Variants in ESS2 observed in about 807,000 individuals in gnomAD.
ESS2 encodes splicing factor ESS-2 homolog.
In ESS2, 31 loss-of-function variants were observed where a neutral mutation model predicts 52.0. The observed-to-expected ratio is 0.60, with a 90% CI of 0.45 to 0.81. The LOEUF (loss-of-function observed/expected upper bound fraction) is 0.81, where lower values mean the gene tolerates loss of function less well. ESS2 is among the 30% of genes least tolerant of loss of function. ESS2 has a pLI of 0.00. For synonymous variants in ESS2, 285 were observed against 259.2 expected (o/e 1.10, Z -0.95); for missense variants, 602 against 637.2 (o/e 0.94, Z 0.59).
chr22:19,142,791 A>G lies in ESS2; in HGVS notation c.239T>C (p.Met80Thr). Residue 80 changes from methionine (M) to threonine (T), a missense_variant, in exon 2 of 10, where the codon ATG becomes ACG. By Grantham distance (81) the Met-to-Thr change is moderately conservative. Transcript: ENST00000252137. ...EAEENGDLERMRQIAIKFGSA... is the reference protein window; with the variant it reads ...EAEENGDLERTRQIAIKFGSA... ...GCCAAACTTGATGGCAATCTGGCGCATCCGTTCCAAGTCTCCATTCTCCTC... is the reference window on the plus strand; with the variant it reads ...GCCAAACTTGATGGCAATCTGGCGCGTCCGTTCCAAGTCTCCATTCTCCTC... 1 of 1,614,172 alleles carries G rather than the reference A, an allele frequency of 6.2e-7. No individual in the cohort carries two copies. Among genetic ancestry groups the G allele is most frequent in the Non-Finnish European group, 8.5e-7 (1 of 1,180,040 alleles).
At position 19,132,521 on chromosome 22, in the gene ESS2, G is replaced by T. The variant is rs1198151918; in HGVS notation, c.*1675C>A. ...TGTGTGGTGGGGGTCGGGGTTGGGG[G>T]GCATGGTGCAGTCGGCCTTCACGTA... On this transcript the variant is annotated 3_prime_UTR_variant, in exon 10 of 10. Transcript: ENST00000252137. The surrounding 1 kb of genome is among the most constrained non-coding windows in gnomAD (Gnocchi z 4.2). The T allele has an allele frequency of 1.9e-6, 3 of 1,547,390 alleles. No homozygotes were observed. Among genetic ancestry groups the T allele is most frequent in the Non-Finnish European group, 2.6e-6 (3 of 1,141,606 alleles).
chr22:19,141,775 G>A (rs2083690323), intron 3 of ESS2, among the ~76,000 whole-genome samples: 1 of 152,160 alleles, frequency 6.6e-6, no homozygotes, highest in Non-Finnish European at 1.5e-5. Flanking sequence ...ATCACCTGAG[G>A]TCAGGAGTTC....
intron 2 of ESS2, 43 bp downstream of exon 2, chr22:19,142,683 T>G: frequency 6.2e-7 from 1 of 1,609,978 alleles, no homozygotes; most frequent in Non-Finnish European, 8.5e-7. Context: ...AAGCGACAGT[T>G]CAGCAGGCTT....
In ESS2 at chr22:19,132,520, G is replaced by A; in HGVS notation, c.*1676C>T. On this transcript the variant is annotated 3_prime_UTR_variant, in exon 10 of 10. Coordinates refer to ENST00000252137, the MANE Select transcript of ESS2 (RefSeq NM_022719.3). The surrounding 1 kb of genome is among the most constrained non-coding windows in gnomAD (Gnocchi z 4.2). Reference sequence around the variant, plus strand: ...GTGTGTGGTGGGGGTCGGGGTTGGGGGGCATGGTGCAGTCGGCCTTCACGT... The same window carrying A: ...GTGTGTGGTGGGGGTCGGGGTTGGGAGGCATGGTGCAGTCGGCCTTCACGT... 4.5e-6 allele frequency: 7 copies of A among 1,553,138 alleles called. No individual in the cohort carries two copies. Among genetic ancestry groups the A allele is most frequent in the Non-Finnish European group, 6.1e-6 (7 of 1,144,450 alleles).
Position 19,131,947 on chromosome 22 carries a change from C to A in ESS2, c.*2249G>T. On this transcript the variant is annotated 3_prime_UTR_variant, in exon 10 of 10. Transcript: ENST00000252137. The surrounding 1 kb of genome is among the most constrained non-coding windows in gnomAD (Gnocchi z 5.7). ...TTCTGCGGGTCGGCAGCATATGCAGCCCCCGAGGTGCTGCAGAGCATCCCC... is the reference window on the plus strand; with the variant it reads ...TTCTGCGGGTCGGCAGCATATGCAGACCCCGAGGTGCTGCAGAGCATCCCC... The A allele has an allele frequency of 6.2e-7, 1 of 1,614,080 alleles. No homozygotes were observed. Among genetic ancestry groups the A allele is most frequent in the Non-Finnish European group, 8.5e-7 (1 of 1,179,992 alleles).
In ESS2 at chr22:19,138,204, A is replaced by G; in HGVS notation, c.925+11T>C. On this transcript the variant is annotated intron_variant, in intron 7 of 9. Coordinates refer to ENST00000252137, the MANE Select transcript of ESS2 (RefSeq NM_022719.3). ...GCAGTAGACCCACTTGCCAGTGGGC[A>G]CTTTTCTCACCAGGGGCAGGGGAAG... is the stretch of plus-strand genomic sequence containing the variant. 6.2e-7 allele frequency: 1 copy of G among 1,613,838 alleles called. No homozygotes were observed. The highest frequency in any genetic ancestry group is 1.1e-5 in the South Asian group (1 of 91,076).
chr22:19,134,406 G>A lies in ESS2; in HGVS notation c.1221C>T (p.Ser407=). 1 of 1,609,218 alleles carries A rather than the reference G, an allele frequency of 6.2e-7. No individual in the cohort carries two copies. The highest frequency in any genetic ancestry group is 8.5e-7 in the Non-Finnish European group (1 of 1,177,708). ...CCCGCAGGGCCCGGTCTGTGTACTT[G>A]CTGGCCGTCCTGCTCACAAGGCGCT... is the stretch of plus-strand genomic sequence containing the variant. ...ALQRLVSRTA[S]KYTDRALRAS... is the part of the protein sequence containing the mutation. Residue 407 remains serine, a synonymous_variant, in exon 10 of 10, where the codon AGC becomes AGT. Transcript: ENST00000252137.
intron 8 of ESS2, among the ~76,000 whole-genome samples, chr22:19,136,006 G>A (rs1370221344): frequency 7.1e-6 from 1 of 141,546 alleles, no homozygotes; most frequent in Non-Finnish European, 1.5e-5. Context: ...CTCCAGCCTG[G>A]GCAACAGAGT....
chr22:19,139,293 C>T lies in ESS2; in HGVS notation c.689-1G>A. 2 of 1,587,276 alleles carry T rather than the reference C, an allele frequency of 1.3e-6. No homozygotes were observed. Among genetic ancestry groups the T allele is most frequent in the Non-Finnish European group, 1.7e-6 (2 of 1,165,316 alleles). On this transcript the variant is annotated splice_acceptor_variant, in intron 5 of 9. Coordinates refer to ENST00000252137, the MANE Select transcript of ESS2 (RefSeq NM_022719.3). LOFTEE classifies it high-confidence loss of function. ...AACAGCTGCTCCTCGTCAGGGACACCTGGCAGACGAAGCAAAGGTAGCAGC... is the reference window on the plus strand; with the variant it reads ...AACAGCTGCTCCTCGTCAGGGACACTTGGCAGACGAAGCAAAGGTAGCAGC...
At position 19,135,122 on chromosome 22, in the gene ESS2, G is replaced by A. The variant is rs373313922; in HGVS notation, c.1089C>T (p.Ala363=). Residue 363 remains alanine, a synonymous_variant, in exon 9 of 10, where the codon GCC becomes GCT. Transcript: ENST00000252137. ...GCTTCTTGGCCCGGTTCTTGGCAGC[G>A]GCCTCGTTGGCCATCTTCAGACCCA... ...ERLGLKMANE[A]AAKNRAKKQE... The A allele has an allele frequency of 4.3e-5, 69 of 1,613,898 alleles. No individual in the cohort carries two copies. The highest frequency in any genetic ancestry group is 5.3e-5 in the African/African-American group (4 of 74,930).
Position 19,132,144 on chromosome 22 carries a change from A to G in ESS2, c.*2052T>C. ...CCTGACCTGCGAGTGCAAGGACCTC[A>G]TCTACCGCATGCTGCAGCCCGACGT... On this transcript the variant is annotated 3_prime_UTR_variant, in exon 10 of 10. Transcript: ENST00000252137. This position sits in a 1 kb window ranked among gnomAD's most constrained non-coding sequence, Gnocchi z 4.2. The G allele has an allele frequency of 6.2e-7, 1 of 1,613,258 alleles. No individual in the cohort carries two copies.
chr22:19,137,387 G>A lies in ESS2; in HGVS notation c.971C>T (p.Thr324Ile), dbSNP rs775031102. Reference sequence around the variant, plus strand: ...TTCCGACCCTTCAACTCTCAAGGGTGTGTTCTCAACCTCCCCCCAGGTCAT... The same window carrying A: ...TTCCGACCCTTCAACTCTCAAGGGTATGTTCTCAACCTCCCCCCAGGTCAT... Reference protein sequence around the residue: ...PMMTWGEVENTPLRVEGSETP... With the variant: ...PMMTWGEVENIPLRVEGSETP... The change falls in exon 8 of 10, where the codon ACA becomes ATA. Residue 324 changes from threonine (T) to isoleucine (I), a missense_variant. Physicochemically the swap from Thr to Ile is moderately conservative, Grantham distance 89. Transcript: ENST00000252137. 23 of 1,613,872 alleles carry A rather than the reference G, an allele frequency of 1.4e-5. No individual in the cohort carries two copies. Among genetic ancestry groups the A allele is most frequent in the South Asian group, 5.5e-5 (5 of 91,072 alleles).
rs1185816848 is a variant in ESS2, at chr22:19,132,707, G to C, written c.*1489C>G. 20 of 547,490 alleles carry C rather than the reference G, an allele frequency of 3.7e-5. No individual in the cohort carries two copies. The highest frequency in any genetic ancestry group is 6.2e-5 in the Non-Finnish European group (19 of 308,278). 33.9% of individuals were successfully genotyped at this position (547,490 alleles called of 1,614,324 possible). On this transcript the variant is annotated 3_prime_UTR_variant, in exon 10 of 10. Coordinates refer to ENST00000252137, the MANE Select transcript of ESS2 (RefSeq NM_022719.3). This position sits in a 1 kb window ranked among gnomAD's most constrained non-coding sequence, Gnocchi z 4.2. Reference sequence around the variant, plus strand: ...ACCACAGGGTGTGTGCAAGCATCAAGAGTGCCCAGTGAGGAGTGTTTTTCT... The same window carrying C: ...ACCACAGGGTGTGTGCAAGCATCAACAGTGCCCAGTGAGGAGTGTTTTTCT...
intron 3 of ESS2, 106 bp from the exon 4 acceptor site, chr22:19,140,130 C>T: frequency 7.2e-7 from 1 of 1,390,822 alleles, no homozygotes; most frequent in Non-Finnish European, 9.9e-7. Context: ...GGCTGGAATC[C>T]TCTCCCCTGG....
chr22:19,138,012 G>A (rs545652593), intron 7 of ESS2: 3 of 985,302 alleles, frequency 3.0e-6, no homozygotes, highest in Admixed American at 6.1e-5. Context: ...AGGTCTGCCT[G>A]AGAGTCCAGC....
In ESS2 at chr22:19,138,310, T is replaced by C. The variant is rs1055826827; in HGVS notation, c.830A>G (p.Gln277Arg). ...QAAALNAQHKQGKVGPDGKEL... is the reference protein window; with the variant it reads ...QAAALNAQHKRGKVGPDGKEL... Reference sequence around the variant, plus strand: ...CTTGCCATCGGGGCCCACCTTGCCCTGTTTGTGCTGGAACAAGCAGAGAGG... The same window carrying C: ...CTTGCCATCGGGGCCCACCTTGCCCCGTTTGTGCTGGAACAAGCAGAGAGG... The change falls in exon 7 of 10, where the codon CAG (glutamine) becomes CGG (arginine). Residue 277 changes from glutamine (Q) to arginine (R), a missense_variant. Transcript: ENST00000252137. The C allele has an allele frequency of 8.1e-6, 13 of 1,613,798 alleles. No homozygotes were observed. Among genetic ancestry groups the C allele is most frequent in the Non-Finnish European group, 1.1e-5 (13 of 1,179,868 alleles).
At chr22:19,138,145 C>T (rs943254202) in intron 7 of ESS2, 70 bp downstream of exon 7, 14 of 1,602,472 alleles carry the variant, frequency 8.7e-6, no homozygotes, top group East Asian at 6.7e-5. Context: ...TGGCCAGGGC[C>T]GACTGAGAAG....
intron 1 of ESS2, 42 bp downstream of exon 1, chr22:19,144,463 AG>A: frequency 6.2e-7 from 1 of 1,610,012 alleles, no homozygotes; most frequent in Non-Finnish European, 8.5e-7. Context: ...CTTGAAGCAG[AG>A]GATGGGCCCA....
At chr22:19,139,384 A>G (rs2083643398) in intron 5 of ESS2, 92 bp from the exon 6 acceptor site, 1 of 1,490,624 alleles carries the variant, frequency 6.7e-7, no homozygotes, top group East Asian at 2.4e-5. Context: ...TCACTCCCAG[A>G]TGAACAAAAG....
Sources: allele counts gnomAD v4.1 joint callset (sites outside exome capture counted in the v4.1 genomes callset), GRCh38; gene constraint gnomAD v4.1.1; non-coding constraint Gnocchi (gnomAD v3.1); transcripts MANE v1.5; gene names NCBI Gene and HGNC (gene_info 2026-07-23, HGNC 2026-07-21).